The following DUSP16 variants were observed in gnomAD, a reference collection of about 807,000 sequenced individuals.
DUSP16 encodes dual specificity phosphatase 16, also known as dual specificity protein phosphatase 16.
In DUSP16, 21 loss-of-function variants were observed where a neutral mutation model predicts 58.3. That is an observed-to-expected ratio of 0.36 (90% CI 0.26 to 0.52). DUSP16 has a LOEUF of 0.52. Ranked by LOEUF, DUSP16 falls within the 20% of genes least tolerant of loss-of-function variation. DUSP16 has a pLI of 0.94. For synonymous variants in DUSP16, 320 were observed against 323.8 expected, an observed-to-expected ratio of 0.99 and a Z score of 0.12; for missense variants, 726 against 819.0, an observed-to-expected ratio of 0.89 and a Z score of 1.39.
In DUSP16 at chr12:12,529,694, A is replaced by T. The variant is rs571834214; in HGVS notation, c.-365-8231T>A. Among the ~76,000 whole-genome samples, 13 of 152,274 alleles carry T rather than the reference A, an allele frequency of 8.5e-5. No individual in the cohort carries two copies. The South Asian group carries it at 2.5e-3, about 29-fold the overall frequency. ...ACATCTCCCCAGGCTTCCCCTCCCC[A>T]TTAAACATCCCAGCCTTTGGTAACC... On this transcript the variant is annotated intron_variant, in intron 1 of 6. Coordinates refer to ENST00000298573, the MANE Select transcript of DUSP16 (RefSeq NM_030640.3).
rs1555165701 is a variant in DUSP16 at position 12,504,709 on chromosome 12, A to AAAG, written c.368-4028_368-4027insCTT. The stretch of plus-strand genomic sequence containing the variant: ...TCTCTGTTAAAAAAAAAAAAAAAAA[A>AAAG]AAAGAAAGAAAGAAAAAATTAGCCA... On this transcript the variant is annotated intron_variant, in intron 3 of 6. Transcript: ENST00000298573. 5.6e-3 allele frequency among the ~76,000 whole-genome samples: 768 copies of AAAG among 138,040 alleles called. 4 individuals carry two copies. The highest frequency in any genetic ancestry group is 9.1e-3 in the Non-Finnish European group (599 of 65,694). 90.6% of individuals were successfully genotyped at this position (138,040 alleles called of 152,430 possible).
At chr12:12,496,839 T>C (rs548620213) in intron 4 of DUSP16, among the ~76,000 whole-genome samples, 9 of 152,352 alleles carry the variant, frequency 5.9e-5, no homozygotes, top group African/African-American at 2.2e-4. Context: ...GAACACACTC[T>C]GAGAAACAAA....
At chr12:12,559,023 T>C (rs1335180476) in intron 1 of DUSP16, among the ~76,000 whole-genome samples, 2 of 152,236 alleles carry the variant, frequency 1.3e-5, no homozygotes, top group Non-Finnish European at 2.9e-5. Context: ...CAGCTCTTCT[T>C]AAAGCCTGAG....
Position 12,516,738 on chromosome 12 carries a change from A to G in DUSP16, c.367+3124T>C, listed in dbSNP as rs11054948. Among the ~76,000 whole-genome samples the G allele has an allele frequency of 1.1e-4, 17 of 152,380 alleles. No homozygotes were observed. The East Asian group carries it at 3.3e-3, about 29-fold the overall frequency. ...ACAATCTGAAGTTTTCTCTACTTTC[A>G]GACTTCATCACTGCTTAATATGCTT... On this transcript the variant is annotated intron_variant, in intron 3 of 6. Transcript: ENST00000298573.
chr12:12,549,792 G>A (rs1424497226), intron 1 of DUSP16, among the ~76,000 whole-genome samples: 1 of 151,480 alleles, frequency 6.6e-6, no homozygotes, highest in Non-Finnish European at 1.5e-5. Flanking sequence ...AAAAAAATAG[G>A]GAGAGCAAAT....
chr12:12,533,108 G>A (rs1944415262), intron 1 of DUSP16, among the ~76,000 whole-genome samples: 1 of 152,162 alleles, frequency 6.6e-6, no homozygotes, highest in Non-Finnish European at 1.5e-5. Context: ...TAAATCACAT[G>A]TTTATGACTA....
chr12:12,534,240 C>G (rs1944432957), intron 1 of DUSP16, among the ~76,000 whole-genome samples: 1 of 152,212 alleles, frequency 6.6e-6, no homozygotes, highest in Admixed American at 6.5e-5. Context: ...ACTGCAGGAT[C>G]CTAGTCTGTG....
At chr12:12,509,487 A>C (rs987003630) in intron 3 of DUSP16, among the ~76,000 whole-genome samples, 2 of 152,088 alleles carry the variant, frequency 1.3e-5, no homozygotes, top group African/African-American at 4.8e-5. Flanking sequence ...GTTTAAAGAA[A>C]AAAAAAAAAC....
intron 3 of DUSP16, among the ~76,000 whole-genome samples, chr12:12,502,550 A>ATTTTTT (rs58116968): frequency 0.06 from 7,808 of 130,476 alleles, 261 homozygotes; most frequent in East Asian, 0.14. Context: ...TCATGGTTTC[A>ATTTTTT]TTTTTTTTTT....
chr12:12,481,104 T>C (rs1474550970), intron 5 of DUSP16, among the ~76,000 whole-genome samples: 2 of 151,918 alleles, frequency 1.3e-5, no homozygotes, highest in Non-Finnish European at 2.9e-5. Context: ...GTATAGGCTA[T>C]GAATCAGGTT....
At chr12:12,482,786 C>T (rs1943596729) in intron 5 of DUSP16, among the ~76,000 whole-genome samples, 1 of 152,200 alleles carries the variant, frequency 6.6e-6, no homozygotes, top group Non-Finnish European at 1.5e-5. Flanking sequence ...GCAAACATAG[C>T]TCACTGTAAC....
At chr12:12,479,389 C>T (rs895073916) in intron 6 of DUSP16, among the ~76,000 whole-genome samples, 2 of 152,114 alleles carry the variant, frequency 1.3e-5, no homozygotes, top group African/African-American at 4.8e-5. Flanking sequence ...GACTTCATAA[C>T]GTGATAGAAG....
chr12:12,531,182 G>A (rs535322434), intron 1 of DUSP16, among the ~76,000 whole-genome samples: 4 of 152,206 alleles, frequency 2.6e-5, no homozygotes, highest in African/African-American at 9.6e-5. Flanking sequence ...GGGGAGAGGG[G>A]TTATAATTTA....
intron 1 of DUSP16, among the ~76,000 whole-genome samples, chr12:12,526,728 AC>A (rs2092282347): frequency 6.6e-6 from 1 of 152,120 alleles, no homozygotes; most frequent in Non-Finnish European, 1.5e-5. Context: ...AACTTCCCAA[AC>A]ATGATCCTGG....
At chr12:12,554,478 TA>T (rs1418637514) in intron 1 of DUSP16, 1 of 152,164 alleles carries the variant, frequency 6.6e-6, no homozygotes, top group African/African-American at 2.4e-5. Context: ...TTTAAATCAT[TA>T]TTAGGGACAT....
In DUSP16 at chr12:12,477,558, C is replaced by G. The variant is rs778422571; in HGVS notation, c.1273G>C (p.Asp425His). The G allele has an allele frequency of 8.1e-6, 13 of 1,612,768 alleles. No homozygotes were observed. Among genetic ancestry groups the G allele is most frequent in the Non-Finnish European group, 6.8e-6 (8 of 1,179,210 alleles). Reference protein sequence around the residue: ...ASLHGFSSSEDALEYYKPSTT... With the variant: ...ASLHGFSSSEHALEYYKPSTT... ...GAAGGTTTGTAGTATTCCAAAGCAT[C>G]TTCTGATGAGGAGAAGCCATGTAAG... is the stretch of plus-strand genomic sequence containing the variant. Residue 425 changes from aspartate (D) to histidine (H), a missense_variant, in exon 7 of 7, where the codon GAT becomes CAT. Coordinates refer to ENST00000298573, the MANE Select transcript of DUSP16 (RefSeq NM_030640.3). This position sits in a 1 kb window ranked among gnomAD's most constrained non-coding sequence, Gnocchi z 4.1.
intron 1 of DUSP16, among the ~76,000 whole-genome samples, chr12:12,529,544 G>C (rs549445671): frequency 6.6e-6 from 1 of 152,194 alleles, no homozygotes. Context: ...TTGTTGTGAT[G>C]AGAACACTTA....
intron 1 of DUSP16, among the ~76,000 whole-genome samples, chr12:12,559,466 C>T (rs1430748965): frequency 6.6e-6 from 1 of 152,128 alleles, no homozygotes; most frequent in Non-Finnish European, 1.5e-5. Flanking sequence ...TAATTTACTT[C>T]TTCAAATTAA....
intron 5 of DUSP16, among the ~76,000 whole-genome samples, chr12:12,485,615 A>G (rs139548024): frequency 1.5e-4 from 23 of 152,080 alleles, no homozygotes; most frequent in Non-Finnish European, 2.9e-4. Flanking sequence ...GGCTCAAGCA[A>G]TCCTCCCACC....
Sources: allele counts gnomAD v4.1 joint callset (sites outside exome capture counted in the v4.1 genomes callset), GRCh38; gene constraint gnomAD v4.1.1; non-coding constraint Gnocchi (gnomAD v3.1); transcripts MANE v1.5; gene names NCBI Gene and HGNC (gene_info 2026-07-23, HGNC 2026-07-21).